The following FGD1 variants were observed in gnomAD, a reference collection of about 807,000 sequenced individuals.
FGD1 encodes FYVE, RhoGEF and PH domain containing 1.
Under a neutral mutation model 65.0 loss-of-function variants are expected in FGD1, and 12 were observed. The observed-to-expected ratio is 0.18, with a 90% confidence interval of 0.12 to 0.30. FGD1 has a LOEUF of 0.30. Ranked by LOEUF, FGD1 falls within the 10% of genes least tolerant of loss-of-function variation. FGD1 has a pLI of 1.00. For missense variants in FGD1, 542 were observed against 837.6 expected (o/e 0.65, Z 4.36); for synonymous variants, 333 against 343.9 (o/e 0.97, Z 0.35).
chrX:54,450,964 G>A lies in FGD1; in HGVS notation c.2016-663C>T, dbSNP rs184995799. ...CTCAGGGGGCTGAGGCATGAGAATC[G>A]CTTGAGCCCAGGAGGCGGAGGTTGC... On this transcript the variant is annotated intron_variant, in intron 12 of 17. Transcript: ENST00000375135. Among the ~76,000 whole-genome samples the A allele has an allele frequency of 1.3e-3, 148 of 110,388 alleles. 1 individual carries two copies. The highest frequency in any genetic ancestry group is 4.6e-3 in the Middle Eastern group (1 of 216).
At chrX:54,468,741 C>T in intron 5 of FGD1, 46 bp downstream of exon 5, 1 of 945,998 alleles carries the variant, frequency 1.1e-6, no homozygotes, top group Non-Finnish European at 1.5e-6. Flanking sequence ...CCTTGAAACG[C>T]ACCTACAAGG....
intron 9 of FGD1, 45 bp from the exon 10 acceptor site, chrX:54,456,411 T>C: frequency 8.3e-7 from 1 of 1,209,981 alleles, no homozygotes. Flanking sequence ...GGTGCCAGCC[T>C]CCTGTCAGAT....
Position 54,450,321 on chromosome X carries a change from A to C in FGD1, c.2016-20T>G, listed in dbSNP as rs1922348396. 1.7e-6 allele frequency: 2 copies of C among 1,207,604 alleles called. No individual in the cohort carries two copies. On this transcript the variant is annotated intron_variant, in intron 12 of 17. Coordinates refer to ENST00000375135, the MANE Select transcript of FGD1 (RefSeq NM_004463.3). ...TCAGTCCTTGGGGTGGGGAATAAAA[A>C]AGAAAGATGTTTGGTTAGGTAGGCC...
intron 1 of FGD1, among the ~76,000 whole-genome samples, chrX:54,493,017 G>A (rs747465698): frequency 9.0e-6 from 1 of 110,973 alleles, no homozygotes; most frequent in East Asian, 2.8e-4. Flanking sequence ...TGGGGAGGAG[G>A]AGAGTGGTTT....
At chrX:54,480,600 G>A (rs1447628319) in intron 1 of FGD1, among the ~76,000 whole-genome samples, 3 of 110,345 alleles carry the variant, frequency 2.7e-5, no homozygotes, top group Admixed American at 1.9e-4. Context: ...GTAATGTGGC[G>A]CTGTATTGTC....
At chrX:54,491,404 A>G (rs1298965442) in intron 1 of FGD1, among the ~76,000 whole-genome samples, 1 of 112,255 alleles carries the variant, frequency 8.9e-6, no homozygotes, top group South Asian at 3.7e-4. Flanking sequence ...GTTTGTGTGT[A>G]TGAGGGCAGG....
At chrX:54,453,562 TTTCTTTCTTTC>T (rs1335591395) in intron 12 of FGD1, among the ~76,000 whole-genome samples, 2 of 111,510 alleles carry the variant, frequency 1.8e-5, no homozygotes, top group African/African-American at 6.5e-5. Context: ...AAATATTCTT[TTTCTTTCTTTC>T]TTCTTTCTTT....
chrX:54,451,474 G>A (rs1922375978), intron 12 of FGD1, among the ~76,000 whole-genome samples: 1 of 108,762 alleles, frequency 9.2e-6, no homozygotes, highest in Non-Finnish European at 1.9e-5. Context: ...CAGTAGAGAC[G>A]GGGTTTTGCC....
intron 1 of FGD1, among the ~76,000 whole-genome samples, chrX:54,474,508 G>T (rs757373460): frequency 8.9e-6 from 1 of 112,611 alleles, no homozygotes; most frequent in Admixed American, 9.3e-5. Context: ...CAGGCCGAGC[G>T]CCCCTCCCCA....
At chrX:54,460,344 G>A (rs1601951847) in intron 8 of FGD1, among the ~76,000 whole-genome samples, 1 of 111,341 alleles carries the variant, frequency 9.0e-6, no homozygotes, top group East Asian at 2.8e-4. Context: ...GGAGACTGAG[G>A]CAGGGGAATC....
chrX:54,495,353 G>A lies in FGD1; in HGVS notation c.80C>T (p.Pro27Leu), dbSNP rs925037152. The part of the protein sequence containing the change: ...HPATNPPGAA[P>L]PACADSDPGA... ...AGGGTCCGAGTCGGCACAGGCCGGC[G>A]GAGCGGCGCCCGGCGGGTTCGTGGC... The change falls in exon 1 of 18, where the codon CCG becomes CTG. Residue 27 changes from proline to leucine, a missense_variant. By Grantham distance (98) the Pro-to-Leu change is moderately conservative. This residue lies in a region of FGD1 where 297 missense variants were observed against 326.8 expected (regional missense o/e 0.91). Coordinates refer to ENST00000375135, the MANE Select transcript of FGD1 (RefSeq NM_004463.3). 1.7e-6 allele frequency: 2 copies of A among 1,154,637 alleles called. No individual in the cohort carries two copies. Among genetic ancestry groups the A allele is most frequent in the Non-Finnish European group, 2.3e-6 (2 of 870,139 alleles).
chrX:54,449,121 GC>G (rs774020303), intron 15 of FGD1, 21 bp downstream of exon 15: 4 of 1,210,343 alleles, frequency 3.3e-6, no homozygotes, highest in Non-Finnish European at 4.5e-6. Flanking sequence ...CCCTAGCTCT[GC>G]CCCTGCCTCC....
chrX:54,470,241 G>C lies in FGD1; in HGVS notation c.876C>G (p.Ser292=), dbSNP rs1922853028. ...TGACGAAGCAGGTCTCCTCGCTGTT[G>C]GATGGCGAGCTGATGCTATCAATGC... The part of the protein sequence containing the change: ...DSGIDSISSP[S]NSEETCFVSD... Residue 292 remains serine, a synonymous_variant, in exon 4 of 18, where the codon TCC becomes TCG. Coordinates refer to ENST00000375135, the MANE Select transcript of FGD1 (RefSeq NM_004463.3). 1 of 1,203,280 alleles carries C rather than the reference G, an allele frequency of 8.3e-7. No homozygotes were observed. The highest frequency in any genetic ancestry group is 1.7e-5 in the African/African-American group (1 of 57,159).
chrX:54,489,712 G>C (rs1016328017), intron 1 of FGD1, among the ~76,000 whole-genome samples: 2 of 112,301 alleles, frequency 1.8e-5, no homozygotes, highest in Admixed American at 9.5e-5. Flanking sequence ...CAGAGAAAAG[G>C]AAATGCTTAT....
intron 1 of FGD1, among the ~76,000 whole-genome samples, chrX:54,491,009 G>A (rs1384527098): frequency 1.8e-5 from 2 of 111,039 alleles, no homozygotes; most frequent in Admixed American, 1.9e-4. Flanking sequence ...GCTAGGGAGA[G>A]TTTCCAAACA....
In FGD1 at chrX:54,448,806, C is replaced by T. The variant is rs1196056313; in HGVS notation, c.2436G>A (p.Glu812=). 1.3e-5 allele frequency: 16 copies of T among 1,211,491 alleles called. No individual in the cohort carries two copies. Among genetic ancestry groups the T allele is most frequent in the Non-Finnish European group, 1.6e-5 (14 of 895,454 alleles). The change falls in exon 16 of 18, where the codon GAG becomes GAA. Residue 812 remains glutamate (E), a splice_region_variant and synonymous_variant. Transcript: ENST00000375135. ...HTPQRRRSIL[E]KQASVAAENS... is the part of the protein sequence containing the mutation. ...GAGTTAGTCAGGGGCTGGCTCTTAC[C>T]TCCAGGATGGACCTCCGGCGCTGGG...
Position 54,449,494 on chromosome X carries a change from A to G in FGD1, c.2148+165T>C, listed in dbSNP as rs989214597. ...TACTTTCTGGGCCTCAGTTTCCCCA[A>G]TGATTTCTCTGTGGCCCTACCAATG... On this transcript the variant is annotated intron_variant, in intron 14 of 17. Transcript: ENST00000375135. Among the ~76,000 whole-genome samples, 3 of 111,538 alleles carry G rather than the reference A, an allele frequency of 2.7e-5. No homozygotes were observed. In the Admixed American group the frequency reaches 2.9e-4, roughly 11 times the overall value.
chrX:54,470,248 G>A lies in FGD1; in HGVS notation c.869C>T (p.Ser290Leu). Residue 290 changes from serine to leucine, a missense_variant, in exon 4 of 18, where the codon TCG (serine) becomes TTG (leucine). Transcript: ENST00000375135. ...GCAGGTCTCCTCGCTGTTGGATGGC[G>A]AGCTGATGCTATCAATGCCGCTGTC... ...NRDSGIDSISSPSNSEETCFV... is the reference protein window; with the variant it reads ...NRDSGIDSISLPSNSEETCFV... 8.3e-7 allele frequency: 1 copy of A among 1,204,874 alleles called. No individual in the cohort carries two copies. The highest frequency in any genetic ancestry group is 1.1e-6 in the Non-Finnish European group (1 of 891,949).
intron 17 of FGD1, among the ~76,000 whole-genome samples, chrX:54,446,995 A>G (rs760039719): frequency 9.0e-6 from 1 of 111,082 alleles, no homozygotes; most frequent in South Asian, 3.8e-4. Flanking sequence ...GAGTGCTGGG[A>G]TTACAGGCGT....
Sources: gnomAD v4.1 joint callset for allele counts (sites outside exome capture counted in the v4.1 genomes callset) on GRCh38, gnomAD v4.1.1 for gene constraint, gnomAD v4.1.1 regional missense constraint, MANE v1.5 for transcripts, NCBI Gene and HGNC (gene_info 2026-07-23, HGNC 2026-07-21) for gene names.